Variants in ZNF543 observed in about 807,000 individuals in gnomAD.
The protein encoded by ZNF543 is zinc finger protein 543.
Under a neutral mutation model 13.4 loss-of-function variants are expected in ZNF543, and 10 were observed. The ratio of observed to expected loss-of-function variants is 0.75; its 90% CI spans 0.46 to 1.26. ZNF543 has a LOEUF of 1.26. ZNF543 is among the 50% of genes most tolerant of loss of function. The pLI, the probability that ZNF543 is intolerant of heterozygous loss-of-function variation, is 0.00. For synonymous variants in ZNF543, 272 were observed against 264.7 expected (o/e 1.03, Z -0.27); for missense variants, 768 against 741.2 (o/e 1.04, Z -0.42).
chr19:57,327,861 C>G lies in ZNF543; in HGVS notation c.399C>G (p.Val133=), dbSNP rs1485295304. ...ATGGGCCATCTGAAATGCAAGAAGT[C>G]CACTTGAAAATAGGGATAGGCCCCC... ...DQDGPSEMQE[V]HLKIGIGPQR... Residue 133 remains valine (V), a synonymous_variant, in exon 4 of 4, where the codon GTC becomes GTG. Transcript: ENST00000321545. 1 of 1,614,078 alleles carries G rather than the reference C, an allele frequency of 6.2e-7. No homozygotes were observed. The highest frequency in any genetic ancestry group is 8.5e-7 in the Non-Finnish European group (1 of 1,180,034).
At chr19:57,325,440 G>A in intron 2 of ZNF543, among the ~76,000 whole-genome samples, 1 of 152,172 alleles carries the variant, frequency 6.6e-6, no homozygotes. Flanking sequence ...GTGCAGATCA[G>A]CTCATACAGT....
intron 2 of ZNF543, among the ~76,000 whole-genome samples, chr19:57,324,555 G>C (rs1174523119): frequency 6.6e-6 from 1 of 152,062 alleles, no homozygotes; most frequent in African/African-American, 2.4e-5. Context: ...GCAGTTTTTG[G>C]AACAACTTTG....
chr19:57,328,435 G>A lies in ZNF543; in HGVS notation c.973G>A (p.Gly325Ser). ...TGGCAAAGCCTTTCGAGATAGGCCAGGTTTCATTCGACACTACATCATCCA... is the reference window on the plus strand; with the variant it reads ...TGGCAAAGCCTTTCGAGATAGGCCAAGTTTCATTCGACACTACATCATCCA... ...ECGKAFRDRP[G>S]FIRHYIIHTG... Residue 325 changes from glycine to serine, a missense_variant, in exon 4 of 4, where the codon GGT (glycine) becomes AGT (serine). Around this residue, in one of 3 missense-constraint regions of ZNF543, gnomAD observed 677 missense variants for 631.4 expected, o/e 1.07. Coordinates refer to ENST00000321545, the MANE Select transcript of ZNF543 (RefSeq NM_213598.4). The A allele has an allele frequency of 1.9e-6, 3 of 1,611,612 alleles. No homozygotes were observed. In the South Asian group the frequency reaches 3.3e-5, roughly 18 times the overall value.
At chr19:57,327,149 G>A in intron 3 of ZNF543, among the ~76,000 whole-genome samples, 1 of 151,756 alleles carries the variant, frequency 6.6e-6, no homozygotes, top group African/African-American at 2.4e-5. Context: ...CACCAAGCCT[G>A]GCCTCTTACA....
In ZNF543 at chr19:57,328,851, G is replaced by A. The variant is rs776945742; in HGVS notation, c.1389G>A (p.Arg463=). The A allele has an allele frequency of 5.0e-6, 8 of 1,613,164 alleles. No homozygotes were observed. The Admixed American group carries it at 8.3e-5, about 17-fold the overall frequency. Residue 463 remains arginine, a synonymous_variant, in exon 4 of 4, where the codon AGG becomes AGA. Transcript: ENST00000321545. ...CKECGKAFSD[R]ADLIRHFSIH... is the part of the protein sequence containing the mutation. ...AATGTGGAAAAGCCTTTAGTGATAG[G>A]GCAGACCTCATTCGCCACTTCAGCA...
chr19:57,320,926 T>G, intron 1 of ZNF543, 55 bp downstream of exon 1: 1 of 1,611,380 alleles, frequency 6.2e-7, no homozygotes, highest in Non-Finnish European at 8.5e-7. Flanking sequence ...GGAGGCCTCG[T>G]GGGCAGGCAG....
chr19:57,324,207 C>T (rs369630537), intron 2 of ZNF543, among the ~76,000 whole-genome samples: 1 of 151,896 alleles, frequency 6.6e-6, no homozygotes, highest in East Asian at 1.9e-4. Context: ...AAAAATTAGC[C>T]GGGTGTGATG....
In ZNF543 at chr19:57,320,645, A is replaced by C. The variant is rs1600049026; in HGVS notation, c.-209A>C. The C allele has an allele frequency of 1.8e-6, 1 of 566,628 alleles. No individual in the cohort carries two copies. The highest frequency in any genetic ancestry group is 3.1e-6 in the Non-Finnish European group (1 of 325,670). The allele number at this position is 566,628 out of a possible 1,614,324, so 35.1% of individuals were successfully genotyped here. A position where few individuals can be genotyped will look rare whatever the true frequency, so the allele number is the denominator to read the frequency against. ...CGCTTCTTCCCTAACGGGGTGTTCC[A>C]CCGGCGCCTGCCGAGGCCTAGGCCT... On this transcript the variant is annotated 5_prime_UTR_variant, in exon 1 of 4. Coordinates refer to ENST00000321545, the MANE Select transcript of ZNF543 (RefSeq NM_213598.4).
At chr19:57,326,307 G>T (rs2088120245) in intron 2 of ZNF543, among the ~76,000 whole-genome samples, 1 of 152,080 alleles carries the variant, frequency 6.6e-6, no homozygotes. Flanking sequence ...TGGGACTACA[G>T]GTACCCGCCA....
In ZNF543 at chr19:57,329,144, A is replaced by G. The variant is rs554436998; in HGVS notation, c.1682A>G (p.Asn561Ser). The change falls in exon 4 of 4, where the codon AAC (asparagine) becomes AGC (serine). Residue 561 changes from asparagine (N) to serine (S), a missense_variant. By Grantham distance (46) the Asn-to-Ser change is conservative (BLOSUM62 1). Transcript: ENST00000321545. ...CATCAAAGGATTCATACTGGGAGAA[A>G]CCCTACCATTGTAACAGATGTGGGA... Reference protein sequence around the residue: ...THHQRIHTGRNPTIVTDVGRP... With the variant: ...THHQRIHTGRSPTIVTDVGRP... 3.7e-6 allele frequency: 6 copies of G among 1,614,200 alleles called. No individual in the cohort carries two copies. The South Asian group carries it at 6.6e-5, about 18-fold the overall frequency.
intron 2 of ZNF543, among the ~76,000 whole-genome samples, chr19:57,326,006 A>G (rs906040498): frequency 6.6e-6 from 1 of 152,108 alleles, no homozygotes; most frequent in Admixed American, 6.5e-5. Flanking sequence ...CAGGGTTGCC[A>G]TTTGCAAGAT....
Position 57,325,501 on chromosome 19 carries a change from G to A in ZNF543, c.146-1132G>A, listed in dbSNP as rs183947522. ...CTCACCTAATAAGCTTAGTGGTAAGGCTGGCTCCTGGGTTGGTGGGTGTCA... is the reference window on the plus strand; with the variant it reads ...CTCACCTAATAAGCTTAGTGGTAAGACTGGCTCCTGGGTTGGTGGGTGTCA... On this transcript the variant is annotated intron_variant, in intron 2 of 3. Transcript: ENST00000321545. Among the ~76,000 whole-genome samples, 179 of 152,242 alleles carry A rather than the reference G, an allele frequency of 1.2e-3. 1 individual carries two copies. Among genetic ancestry groups the A allele is most frequent in the African/African-American group, 4.2e-3 (174 of 41,562 alleles).
intron 2 of ZNF543, among the ~76,000 whole-genome samples, chr19:57,324,846 C>T (rs2088112116): frequency 6.6e-6 from 1 of 152,156 alleles, no homozygotes; most frequent in South Asian, 2.1e-4. Flanking sequence ...AAGAAACTTA[C>T]CTTTCTCCTG....
rs1392904605 is a variant in ZNF543 at position 57,329,535 on chromosome 19, C to T, written c.*270C>T. On this transcript the variant is annotated 3_prime_UTR_variant, in exon 4 of 4. Coordinates refer to ENST00000321545, the MANE Select transcript of ZNF543 (RefSeq NM_213598.4). The stretch of plus-strand genomic sequence containing the variant: ...GGATATTTTTTTTTTTTTTTTGAGA[C>T]GGAGTCTCGCTCTGTCGCCCAGGCT... The T allele has an allele frequency of 3.6e-5, 11 of 304,224 alleles. No homozygotes were observed. Among genetic ancestry groups the T allele is most frequent in the East Asian group, 1.3e-4 (2 of 15,646 alleles). 18.8% of individuals were successfully genotyped at this position (304,224 alleles called of 1,614,324 possible).
At chr19:57,323,945 C>G in intron 2 of ZNF543, 137 bp downstream of exon 2, 1 of 1,050,066 alleles carries the variant, frequency 9.5e-7, no homozygotes, top group Non-Finnish European at 1.4e-6. Context: ...GAGCGTAGCA[C>G]TTGGGAGACC....
Position 57,329,481 on chromosome 19 carries a change from T to G in ZNF543, c.*216T>G, listed in dbSNP as rs1404347458. The G allele has an allele frequency of 3.7e-6, 2 of 539,746 alleles. No homozygotes were observed. Among genetic ancestry groups the G allele is most frequent in the African/African-American group, 3.8e-5 (2 of 52,154 alleles). The allele number at this position is 539,746 out of a possible 1,614,324, so 33.4% of individuals were successfully genotyped here. ...GGAAAACTTTCAGCCACATCTTTCT[T>G]CTTAGTTTACAGTGAAATATTATCT... is the stretch of plus-strand genomic sequence containing the variant. On this transcript the variant is annotated 3_prime_UTR_variant, in exon 4 of 4. Coordinates refer to ENST00000321545, the MANE Select transcript of ZNF543 (RefSeq NM_213598.4).
intron 2 of ZNF543, among the ~76,000 whole-genome samples, chr19:57,325,405 T>A (rs1358469466): frequency 6.6e-6 from 1 of 152,196 alleles, no homozygotes; most frequent in African/African-American, 2.4e-5. Flanking sequence ...TACCCCCTTA[T>A]ATTTTGAAAA....
In ZNF543 at chr19:57,327,867, G is replaced by C; in HGVS notation, c.405G>C (p.Leu135Phe). 2 of 1,614,130 alleles carry C rather than the reference G, an allele frequency of 1.2e-6. No individual in the cohort carries two copies. The highest frequency in any genetic ancestry group is 1.7e-6 in the Non-Finnish European group (2 of 1,180,018). The change falls in exon 4 of 4, where the codon TTG (leucine) becomes TTC (phenylalanine). Residue 135 changes from leucine (L) to phenylalanine (F), a missense_variant. Physicochemically the swap from Leu to Phe is conservative, Grantham distance 22 (BLOSUM62 0). This residue lies in a region of ZNF543 where 677 missense variants were observed against 631.4 expected (regional missense o/e 1.07). Coordinates refer to ENST00000321545, the MANE Select transcript of ZNF543 (RefSeq NM_213598.4). Reference sequence around the variant, plus strand: ...CATCTGAAATGCAAGAAGTCCACTTGAAAATAGGGATAGGCCCCCAGCGGG... The same window carrying C: ...CATCTGAAATGCAAGAAGTCCACTTCAAAATAGGGATAGGCCCCCAGCGGG... Reference protein sequence around the residue: ...DGPSEMQEVHLKIGIGPQRGK... With the variant: ...DGPSEMQEVHFKIGIGPQRGK...
chr19:57,328,200 C>G lies in ZNF543; in HGVS notation c.738C>G (p.Leu246=). ...FSKSTHLLQH[L]IIHTGEKPYK... ...AGAGCACTCATCTTCTTCAGCACCT[C>G]ATCATCCACACTGGGGAGAAGCCCT... The change falls in exon 4 of 4, where the codon CTC becomes CTG. Residue 246 remains leucine, a synonymous_variant. Coordinates refer to ENST00000321545, the MANE Select transcript of ZNF543 (RefSeq NM_213598.4). 1 of 1,613,294 alleles carries G rather than the reference C, an allele frequency of 6.2e-7. No homozygotes were observed. Among genetic ancestry groups the G allele is most frequent in the Non-Finnish European group, 8.5e-7 (1 of 1,179,312 alleles).
Sources: allele counts gnomAD v4.1 joint callset (sites outside exome capture counted in the v4.1 genomes callset), GRCh38; gene constraint gnomAD v4.1.1; regional missense constraint gnomAD v4.1.1; transcripts MANE v1.5; gene names NCBI Gene and HGNC (gene_info 2026-07-23, HGNC 2026-07-21).